Variants in ARHGAP29 observed in about 807,000 individuals in gnomAD.
ARHGAP29 encodes Rho GTPase activating protein 29.
Under a neutral mutation model 122.6 loss-of-function variants are expected in ARHGAP29, and 43 were observed. The ratio of observed to expected loss-of-function variants is 0.35; its 90% CI spans 0.27 to 0.45. ARHGAP29 has a LOEUF of 0.45. Ranked by LOEUF, ARHGAP29 falls within the 20% of genes least tolerant of loss-of-function variation. The pLI is 1.00. For missense variants in ARHGAP29, 1,303 were observed against 1,477.2 expected (o/e 0.88, Z 1.93); for synonymous variants, 506 against 497.1 (o/e 1.02, Z -0.24).
At chr1:94,263,219 A>G (rs112364521) in intron 1 of ARHGAP29, among the ~76,000 whole-genome samples, 13,767 of 152,140 alleles carry the variant, frequency 0.09, 675 homozygotes, top group South Asian at 0.13. Flanking sequence ...CATAGAGGAA[A>G]ACAACAGACA....
At chr1:94,267,242 A>G (rs990736233) in intron 1 of ARHGAP29, among the ~76,000 whole-genome samples, 1 of 152,226 alleles carries the variant, frequency 6.6e-6, no homozygotes, top group Non-Finnish European at 1.5e-5. Flanking sequence ...CAGGTGTGTT[A>G]GTAATCCCAA....
At chr1:94,282,356 G>T in the ARHGAP29 span, among the ~76,000 whole-genome samples, 1 of 151,712 alleles carries the variant, frequency 6.6e-6, no homozygotes, top group Non-Finnish European at 1.5e-5. Flanking sequence ...GTGCAATCTG[G>T]CTTACTGCAG....
At chr1:94,299,122 A>G in the ARHGAP29 span, among the ~76,000 whole-genome samples, 1 of 151,830 alleles carries the variant, frequency 6.6e-6, no homozygotes, top group African/African-American at 2.4e-5. Context: ...CGAGGTACAT[A>G]ATCCTGCAGT....
upstream of ARHGAP29, among the ~76,000 whole-genome samples, chr1:94,278,030 A>G (rs1327730743): frequency 6.6e-6 from 1 of 152,238 alleles, no homozygotes; most frequent in African/African-American, 2.4e-5. Context: ...AAATGTTTCA[A>G]GTAGGCCGGA....
intron 22 of ARHGAP29, chr1:94,177,108 C>T (rs1649141372): frequency 6.6e-6 from 1 of 152,086 alleles, no homozygotes; most frequent in African/African-American, 2.4e-5. Context: ...AAAATGATCG[C>T]AGTCAAGGAA....
At chr1:94,287,861 C>A in the ARHGAP29 span, among the ~76,000 whole-genome samples, 1 of 152,250 alleles carries the variant, frequency 6.6e-6, no homozygotes, top group East Asian at 1.9e-4. Context: ...CATAGTATTC[C>A]ATGGTGTATA....
intron 2 of ARHGAP29, among the ~76,000 whole-genome samples, chr1:94,226,741 C>T (rs1224147044): frequency 2.0e-5 from 3 of 151,584 alleles, no homozygotes; most frequent in Admixed American, 1.3e-4. Flanking sequence ...TTTCATACTT[C>T]GTTTCTCAAA....
At chr1:94,174,985 C>CA (rs200284492) in intron 22 of ARHGAP29, among the ~76,000 whole-genome samples, 68 of 151,708 alleles carry the variant, frequency 4.5e-4, no homozygotes, top group African/African-American at 1.2e-3. Context: ...CTACAAAACA[C>CA]AAAAAAAACA....
At chr1:94,238,840 A>G (rs3814019), upstream of ARHGAP29, among the ~76,000 whole-genome samples, 38,186 of 152,102 alleles carry the variant, frequency 0.25, 4,928 homozygotes, top group East Asian at 0.46. Context: ...GGGGCAAGAG[A>G]AAAACTCATT....
rs1031802999 is a variant in ARHGAP29 at position 94,170,919 on chromosome 1, G to A, written c.*2950C>T. Among the ~76,000 whole-genome samples, 2 of 152,086 alleles carry A rather than the reference G, an allele frequency of 1.3e-5. No homozygotes were observed. Among genetic ancestry groups the A allele is most frequent in the African/African-American group, 4.8e-5 (2 of 41,422 alleles). On this transcript the variant is annotated 3_prime_UTR_variant, in exon 23 of 23. Transcript: ENST00000260526. ...AAAACTTCCATTTCTGTTAGTTGCTGATATCTAGGAATACAACTGACTTAC... is the reference window on the plus strand; with the variant it reads ...AAAACTTCCATTTCTGTTAGTTGCTAATATCTAGGAATACAACTGACTTAC...
At chr1:94,202,774 C>A in intron 10 of ARHGAP29, 42 bp from the exon 11 acceptor site, 1 of 1,589,164 alleles carries the variant, frequency 6.3e-7, no homozygotes, top group Middle Eastern at 1.7e-4. Context: ...TGAAAGAAAT[C>A]CTACTGAACA....
At chr1:94,271,902 C>A (rs1257758040) in intron 1 of ARHGAP29, among the ~76,000 whole-genome samples, 2 of 152,158 alleles carry the variant, frequency 1.3e-5, no homozygotes, top group African/African-American at 4.8e-5. Flanking sequence ...ACTTTGGAAC[C>A]TTTGTGTCCA....
chr1:94,214,335 C>G (rs1651829705), intron 3 of ARHGAP29, among the ~76,000 whole-genome samples: 1 of 152,192 alleles, frequency 6.6e-6, no homozygotes. Context: ...TAGCTCTCAT[C>G]TTGGCTTTCT....
the ARHGAP29 span, among the ~76,000 whole-genome samples, chr1:94,280,435 A>T: frequency 6.6e-6 from 1 of 152,224 alleles, no homozygotes; most frequent in Non-Finnish European, 1.5e-5. Context: ...AAAACTAATT[A>T]TCAAACAAAA....
At position 94,172,404 on chromosome 1, in the gene ARHGAP29, A is replaced by G. The variant is rs1365176638; in HGVS notation, c.*1465T>C. On this transcript the variant is annotated 3_prime_UTR_variant, in exon 23 of 23. Transcript: ENST00000260526. The stretch of plus-strand genomic sequence containing the variant: ...GAGGACTAAAAACAAGCCTTCAGAA[A>G]AAAAAGGGCTGGTTATTGCTCCCTA... The G allele has an allele frequency of 6.6e-6, 1 of 152,112 alleles. No homozygotes were observed. Among genetic ancestry groups the G allele is most frequent in the Admixed American group, 6.6e-5 (1 of 15,262 alleles). 9.4% of individuals were successfully genotyped at this position (152,112 alleles called of 1,614,324 possible).
chr1:94,179,600 A>G, intron 20 of ARHGAP29, 125 bp downstream of exon 20: 1 of 574,256 alleles, frequency 1.7e-6, no homozygotes, highest in Non-Finnish European at 2.8e-6. Context: ...CTCAAAAAAA[A>G]AAAAAAAAAA....
At chr1:94,256,919 G>T (rs1654380880) in intron 1 of ARHGAP29, among the ~76,000 whole-genome samples, 1 of 152,074 alleles carries the variant, frequency 6.6e-6, no homozygotes, top group African/African-American at 2.4e-5. Flanking sequence ...GTATGTTTGT[G>T]TGTGGGATAG....
intron 17 of ARHGAP29, 39 bp from the exon 18 acceptor site, chr1:94,185,099 A>T (rs1217200112): frequency 6.5e-7 from 1 of 1,548,796 alleles, no homozygotes; most frequent in African/African-American, 1.4e-5. Context: ...TTAACCTTAA[A>T]ACTATTCACA....
At chr1:94,256,143 C>T (rs929187104) in intron 1 of ARHGAP29, among the ~76,000 whole-genome samples, 8 of 152,150 alleles carry the variant, frequency 5.3e-5, no homozygotes, top group African/African-American at 1.7e-4. Context: ...AGAGATTGAA[C>T]TCAAAGCAAG....
Sources: gnomAD v4.1 joint callset for allele counts (sites outside exome capture counted in the v4.1 genomes callset) on GRCh38, gnomAD v4.1.1 for gene constraint, MANE v1.5 for transcripts, NCBI Gene and HGNC (gene_info 2026-07-23, HGNC 2026-07-21) for gene names.